Variants in CHFR observed in about 807,000 individuals in gnomAD.
CHFR encodes the protein E3 ubiquitin-protein ligase CHFR.
A neutral mutation model predicts 87.6 loss-of-function variants in CHFR; 57 were observed. The ratio of observed to expected loss-of-function variants is 0.65; its 90% confidence interval spans 0.53 to 0.81. CHFR has a LOEUF of 0.81. Among genes scored for constraint, CHFR ranks in the 30% least tolerant of loss-of-function variants. The pLI is 0.00. For missense variants in CHFR, 797 were observed against 865.8 expected (o/e 0.92, Z 1.00); for synonymous variants, 381 against 359.2 (o/e 1.06, Z -0.69).
intron 2 of CHFR, among the ~76,000 whole-genome samples, chr12:132,877,916 C>T (rs1413919876): frequency 6.6e-6 from 1 of 152,156 alleles, no homozygotes; most frequent in African/African-American, 2.4e-5. Context: ...CATTCTCCTG[C>T]CTCAGCCTCC....
intron 5 of CHFR, 87 bp downstream of exon 5, chr12:132,870,637 G>T: frequency 1.1e-6 from 1 of 940,198 alleles, no homozygotes. Flanking sequence ...TCCAGCCTGG[G>T]TAACAGAGCG....
rs1267207842 is a variant in CHFR at position 132,836,853 on chromosome 12, A to C, written c.*4701T>G. The C allele has an allele frequency of 2.3e-6, 1 of 436,936 alleles. No individual in the cohort carries two copies. The highest frequency in any genetic ancestry group is 4.6e-6 in the Non-Finnish European group (1 of 217,458). The allele number at this position is 436,936 out of a possible 1,614,324, so 27.1% of individuals were successfully genotyped here. ...TAGCCAACTGGTCAGTGATCAGTAG[A>C]TGCTGCCCTGGGGCCAAACATTTCA... On this transcript the variant is annotated 3_prime_UTR_variant, in exon 18 of 18. Coordinates refer to ENST00000450056, the MANE Select transcript of CHFR (RefSeq NM_001161346.2).
intron 3 of CHFR, among the ~76,000 whole-genome samples, chr12:132,872,855 G>C (rs937125241): frequency 2.6e-5 from 4 of 152,198 alleles, no homozygotes; most frequent in Non-Finnish European, 5.9e-5. Flanking sequence ...CGGACTAAAT[G>C]CTGGGCCGTC....
At chr12:132,868,283 G>T (rs1479145777) in intron 6 of CHFR, among the ~76,000 whole-genome samples, 3 of 152,296 alleles carry the variant, frequency 2.0e-5, no homozygotes, top group South Asian at 4.1e-4. Flanking sequence ...GAGGTCAGGA[G>T]ATCGAGACCA....
At chr12:132,856,392 A>G in intron 10 of CHFR, 76 bp downstream of exon 10, 1 of 1,497,518 alleles carries the variant, frequency 6.7e-7, no homozygotes. Context: ...CTGTCCACCC[A>G]GTAGTGAGCT....
chr12:132,871,279 C>G (rs1335522250), intron 4 of CHFR, among the ~76,000 whole-genome samples: 2 of 151,966 alleles, frequency 1.3e-5, no homozygotes, highest in Non-Finnish European at 2.9e-5. Flanking sequence ...CGGCGAAACC[C>G]TGTCTGTACT....
chr12:132,879,668 C>T (rs1349101607), intron 2 of CHFR, among the ~76,000 whole-genome samples: 1 of 152,088 alleles, frequency 6.6e-6, no homozygotes, highest in Non-Finnish European at 1.5e-5. Flanking sequence ...GGATTACAGG[C>T]GTGAGCCACC....
intron 4 of CHFR, 55 bp from the exon 5 acceptor site, chr12:132,870,838 C>G: frequency 2.8e-6 from 3 of 1,074,780 alleles, no homozygotes; most frequent in Non-Finnish European, 4.3e-6. Flanking sequence ...AAACTGAGAA[C>G]TCATTTTTCT....
At position 132,853,532 on chromosome 12, in the gene CHFR, C is replaced by T. The variant is rs1950994995; in HGVS notation, c.1271G>A (p.Arg424Lys). 6.5e-7 allele frequency: 1 copy of T among 1,532,478 alleles called. No individual in the cohort carries two copies. Among genetic ancestry groups the T allele is most frequent in the South Asian group, 1.2e-5 (1 of 82,370 alleles). The allele number at this position is 1,532,478 out of a possible 1,614,324, so 94.9% of individuals were successfully genotyped here. A position where few individuals can be genotyped will look rare whatever the true frequency, so the allele number is the denominator to read the frequency against. ...GCAGTGGGGAGGCTGCGCCGCCTGCCTTCTGTACTCAGGACACTGCCGGCA... is the reference window on the plus strand; with the variant it reads ...GCAGTGGGGAGGCTGCGCCGCCTGCTTTCTGTACTCAGGACACTGCCGGCA... Reference protein sequence around the residue: ...VVCRQCPEYRRQAAQPPHCPA... With the variant: ...VVCRQCPEYRKQAAQPPHCPA... Residue 424 changes from arginine (R) to lysine (K), a missense_variant, in exon 11 of 18, where the codon AGG becomes AAG. Physicochemically the swap from Arg to Lys is conservative, Grantham distance 26. Transcript: ENST00000450056.
At chr12:132,843,761 C>T (rs1470378144) in intron 16 of CHFR, among the ~76,000 whole-genome samples, 1 of 151,946 alleles carries the variant, frequency 6.6e-6, no homozygotes, top group Non-Finnish European at 1.5e-5. Flanking sequence ...CCAGCCTGGC[C>T]AACATGGTGA....
chr12:132,874,370 C>A (rs773496315), intron 3 of CHFR, among the ~76,000 whole-genome samples: 2 of 151,008 alleles, frequency 1.3e-5, no homozygotes, highest in Admixed American at 6.6e-5. Context: ...CAGCATTCAG[C>A]GCAAGGAAGC....
At chr12:132,870,603 T>C in intron 5 of CHFR, 121 bp downstream of exon 5, 1 of 597,398 alleles carries the variant, frequency 1.7e-6, no homozygotes, top group African/African-American at 1.9e-5. Context: ...GAGGCTGCAG[T>C]GAGCTGAGAT....
intron 2 of CHFR, among the ~76,000 whole-genome samples, chr12:132,878,993 T>G (rs1181089107): frequency 2.2e-5 from 3 of 138,758 alleles, no homozygotes; most frequent in Admixed American, 7.9e-5. Flanking sequence ...ATTTGTTTTT[T>G]TTTTTGTTTT....
At chr12:132,885,866 T>G (rs1387538187) in intron 2 of CHFR, among the ~76,000 whole-genome samples, 2 of 152,234 alleles carry the variant, frequency 1.3e-5, no homozygotes, top group African/African-American at 4.8e-5. Context: ...CCTCCTAGTC[T>G]ATCAAGTAAA....
intron 14 of CHFR, chr12:132,847,568 C>G: frequency 9.4e-7 from 1 of 1,062,662 alleles, no homozygotes; most frequent in Middle Eastern, 4.6e-4. Context: ...GCTGAGCGGG[C>G]GCCTGCCAGG....
Position 132,887,315 on chromosome 12 carries a change from T to A in CHFR, c.14A>T (p.Glu5Val). 1 of 1,473,080 alleles carries A rather than the reference T, an allele frequency of 6.8e-7. No individual in the cohort carries two copies. Among genetic ancestry groups the A allele is most frequent in the South Asian group, 1.3e-5 (1 of 77,388 alleles). The allele number at this position is 1,473,080 out of a possible 1,614,324, so 91.3% of individuals were successfully genotyped here. Residue 5 changes from glutamate to valine, a missense_variant, in exon 2 of 18, where the codon GAG becomes GTG. Coordinates refer to ENST00000450056, the MANE Select transcript of CHFR (RefSeq NM_001161346.2). ...CGGCGGCGGCGACTGCTTGCCTTCC[T>A]CGGGCCGCTCCATCGGGATTCACAT... MERP[E>V]EGKQSPPPQP...
chr12:132,868,210 G>T (rs1226134784), intron 6 of CHFR, among the ~76,000 whole-genome samples: 1 of 152,192 alleles, frequency 6.6e-6, no homozygotes, highest in Admixed American at 6.5e-5. Flanking sequence ...GCCCAGTCAC[G>T]GCTGGGCGCG....
chr12:132,877,651 C>A lies in CHFR; in HGVS notation c.137G>T (p.Cys46Phe), dbSNP rs762757910. 5.6e-6 allele frequency: 9 copies of A among 1,610,114 alleles called. No individual in the cohort carries two copies. The highest frequency in any genetic ancestry group is 7.6e-6 in the Non-Finnish European group (9 of 1,177,728). The change falls in exon 3 of 18, where the codon TGC (cysteine) becomes TTC (phenylalanine). Residue 46 changes from cysteine to phenylalanine, a missense_variant. Cys to Phe is a radical substitution (Grantham distance 205). Coordinates refer to ENST00000450056, the MANE Select transcript of CHFR (RefSeq NM_001161346.2). ...REWTIGRRRGCDLSFPSNKLV... is the reference protein window; with the variant it reads ...REWTIGRRRGFDLSFPSNKLV... ...TTTATTGCTGGGGAAGGAAAGGTCG[C>A]AACCTAAAAAAGAGAGGGTGGGTCA... is the stretch of plus-strand genomic sequence containing the variant.
chr12:132,837,924 T>TAA lies in CHFR; in HGVS notation c.*3628_*3629dup, dbSNP rs1950660902. 6.6e-6 allele frequency: 1 copy of TAA among 152,368 alleles called. No homozygotes were observed. The highest frequency in any genetic ancestry group is 2.1e-4 in the South Asian group (1 of 4,832). The allele number at this position is 152,368 out of a possible 1,614,324, so 9.4% of individuals were successfully genotyped here. A position where few individuals can be genotyped will look rare whatever the true frequency, so the allele number is the denominator to read the frequency against. On this transcript the variant is annotated 3_prime_UTR_variant, in exon 18 of 18. Transcript: ENST00000450056. ...AGGCTGGAGGGACGATCTACTTTCC[T>TAA]AAATCCCCTCCGTTCTCATGCTTTC...
Sources: allele counts gnomAD v4.1 joint callset (sites outside exome capture counted in the v4.1 genomes callset), GRCh38; gene constraint gnomAD v4.1.1; transcripts MANE v1.5; gene names NCBI Gene and HGNC (gene_info 2026-07-23, HGNC 2026-07-21).